Variants in ARHGAP26 observed in about 807,000 individuals in gnomAD.
The protein encoded by ARHGAP26 is Rho GTPase activating protein 26.
Under a neutral mutation model 104.8 loss-of-function variants are expected in ARHGAP26, and 38 were observed. The ratio of observed to expected loss-of-function variants is 0.36; its 90% CI spans 0.28 to 0.48. The LOEUF (loss-of-function observed/expected upper bound fraction) is 0.48. Ranked by LOEUF, ARHGAP26 falls within the 20% of genes least tolerant of loss-of-function variation. ARHGAP26 has a pLI of 0.99. For synonymous variants in ARHGAP26, 341 were observed against 340.0 expected (o/e 1.00, Z -0.03); for missense variants, 704 against 947.9 (o/e 0.74, Z 3.38).
At chr5:143,080,103 C>A (rs1789587272) in intron 17 of ARHGAP26, among the ~76,000 whole-genome samples, 1 of 152,168 alleles carries the variant, frequency 6.6e-6, no homozygotes, top group African/African-American at 2.4e-5. Context: ...AAGATGGGAG[C>A]TGACCTTTAT....
chr5:142,774,979 C>A (rs527262354), intron 1 of ARHGAP26, among the ~76,000 whole-genome samples: 4 of 151,990 alleles, frequency 2.6e-5, no homozygotes, highest in Non-Finnish European at 5.9e-5. Flanking sequence ...ATCCTTTCAT[C>A]TATTGAAGGA....
intron 12 of ARHGAP26, among the ~76,000 whole-genome samples, chr5:143,026,609 G>A (rs1781095101): frequency 6.6e-6 from 1 of 152,168 alleles, no homozygotes; most frequent in Non-Finnish European, 1.5e-5. Flanking sequence ...AGTGGTGCCC[G>A]GATGGGAGGA....
intron 21 of ARHGAP26, 52 bp downstream of exon 21, chr5:143,207,360 G>T: frequency 6.2e-7 from 1 of 1,614,074 alleles, no homozygotes; most frequent in South Asian, 1.1e-5. Context: ...TTCTCTCATT[G>T]GCTCGGTCCT....
chr5:143,107,225 A>G (rs1272234755), intron 17 of ARHGAP26, among the ~76,000 whole-genome samples: 1 of 152,170 alleles, frequency 6.6e-6, no homozygotes, highest in Admixed American at 6.5e-5. Context: ...GAGCTCTGTG[A>G]ATAAGAGCAT....
chr5:143,045,473 A>G (rs1272915195), intron 14 of ARHGAP26, among the ~76,000 whole-genome samples: 1 of 152,208 alleles, frequency 6.6e-6, no homozygotes, highest in Non-Finnish European at 1.5e-5. Context: ...GAACATGCCC[A>G]CAACTTCATC....
At chr5:143,210,074 G>A (rs1183198720) in intron 21 of ARHGAP26, among the ~76,000 whole-genome samples, 1 of 152,112 alleles carries the variant, frequency 6.6e-6, no homozygotes, top group Non-Finnish European at 1.5e-5. Context: ...TCTGAATGAT[G>A]TCTCCTCTGG....
At chr5:143,140,394 C>T (rs958311954) in intron 19 of ARHGAP26, among the ~76,000 whole-genome samples, 3 of 152,130 alleles carry the variant, frequency 2.0e-5, no homozygotes, top group Non-Finnish European at 4.4e-5. Flanking sequence ...CGTTACTTTC[C>T]TTTTCTGAGC....
chr5:142,886,624 G>C (rs1757741905), intron 5 of ARHGAP26, among the ~76,000 whole-genome samples: 1 of 152,126 alleles, frequency 6.6e-6, no homozygotes, highest in South Asian at 2.1e-4. Flanking sequence ...TCTTGTGCCT[G>C]AGTAGGGAAA....
intron 19 of ARHGAP26, among the ~76,000 whole-genome samples, chr5:143,143,585 A>C (rs1409236816): frequency 2.0e-5 from 3 of 152,230 alleles, no homozygotes; most frequent in Admixed American, 6.5e-5. Flanking sequence ...CCCTGTCTAA[A>C]GCACCTGAAA....
intron 1 of ARHGAP26, among the ~76,000 whole-genome samples, chr5:142,854,271 C>T (rs1050186356): frequency 2.0e-5 from 3 of 152,134 alleles, no homozygotes; most frequent in Non-Finnish European, 2.9e-5. Flanking sequence ...GAATATGGCT[C>T]CCTGCCTCAT....
intron 20 of ARHGAP26, among the ~76,000 whole-genome samples, chr5:143,154,172 A>G (rs1359552350): frequency 6.6e-6 from 1 of 151,880 alleles, no homozygotes; most frequent in Non-Finnish European, 1.5e-5. Context: ...AAAAAAAAAA[A>G]AGAGTTTCTG....
At chr5:143,035,313 G>A (rs1782451418) in intron 12 of ARHGAP26, among the ~76,000 whole-genome samples, 1 of 152,148 alleles carries the variant, frequency 6.6e-6, no homozygotes, top group Non-Finnish European at 1.5e-5. Flanking sequence ...TCAACAAGTG[G>A]ATAAAGAAAC....
intron 11 of ARHGAP26, among the ~76,000 whole-genome samples, chr5:142,976,487 A>C (rs1216783989): frequency 1.3e-5 from 2 of 152,158 alleles, no homozygotes; most frequent in African/African-American, 4.8e-5. Flanking sequence ...AGGACATTTG[A>C]CCCAATCATT....
chr5:142,807,414 C>T (rs544278604), intron 1 of ARHGAP26, among the ~76,000 whole-genome samples: 8 of 152,314 alleles, frequency 5.3e-5, no homozygotes, highest in African/African-American at 1.9e-4. Flanking sequence ...GCAGTTTCTA[C>T]ACCAGATTGT....
chr5:143,059,734 C>T (rs1245963925), intron 17 of ARHGAP26, among the ~76,000 whole-genome samples: 1 of 152,154 alleles, frequency 6.6e-6, no homozygotes, highest in Non-Finnish European at 1.5e-5. Context: ...ATTTCTTGAT[C>T]ATTGTCTTAT....
At chr5:142,800,702 A>G (rs149955731) in intron 1 of ARHGAP26, among the ~76,000 whole-genome samples, 9 of 152,284 alleles carry the variant, frequency 5.9e-5, no homozygotes, top group Non-Finnish European at 1.2e-4. Flanking sequence ...TGCTTTGTTA[A>G]TAGACCTGCT....
At chr5:142,821,079 A>T (rs1339880010) in intron 1 of ARHGAP26, among the ~76,000 whole-genome samples, 1 of 152,162 alleles carries the variant, frequency 6.6e-6, no homozygotes, top group Non-Finnish European at 1.5e-5. Context: ...TGAGTAAACT[A>T]TATCTTAGAG....
At chr5:142,809,702 T>C (rs1023949909) in intron 1 of ARHGAP26, among the ~76,000 whole-genome samples, 1 of 152,224 alleles carries the variant, frequency 6.6e-6, no homozygotes, top group Non-Finnish European at 1.5e-5. Context: ...TCCTCTTAAC[T>C]TCTGCCAGTC....
At position 143,224,668 on chromosome 5, in the gene ARHGAP26, G is replaced by A. The variant is rs532603210; in HGVS notation, c.*2222G>A. 5.3e-4 allele frequency: 121 copies of A among 229,866 alleles called. No individual in the cohort carries two copies. Among genetic ancestry groups the A allele is most frequent in the Non-Finnish European group, 8.3e-4 (96 of 115,924 alleles). The allele number at this position is 229,866 out of a possible 1,614,324, so 14.2% of individuals were successfully genotyped here. A position where few individuals can be genotyped will look rare whatever the true frequency, so the allele number is the denominator to read the frequency against. ...AAGCTAGTTTTCAAATTTTGTGTGCGTCTGTAAGTTCTTAAAGAACCAGCT... is the reference window on the plus strand; with the variant it reads ...AAGCTAGTTTTCAAATTTTGTGTGCATCTGTAAGTTCTTAAAGAACCAGCT... On this transcript the variant is annotated 3_prime_UTR_variant, in exon 23 of 23. Coordinates refer to ENST00000645722, the MANE Select transcript of ARHGAP26 (RefSeq NM_001135608.3).
Sources: gnomAD v4.1 joint callset for allele counts (sites outside exome capture counted in the v4.1 genomes callset) on GRCh38, gnomAD v4.1.1 for gene constraint, MANE v1.5 for transcripts, NCBI Gene and HGNC (gene_info 2026-07-23, HGNC 2026-07-21) for gene names.